Variants in TRANK1 observed in about 807,000 individuals in gnomAD.
TRANK1 encodes the protein tetratricopeptide repeat and ankyrin repeat containing 1, also known as TPR and ankyrin repeat-containing protein 1.
Under a neutral mutation model 266.0 loss-of-function variants are expected in TRANK1, and 198 were observed. The observed-to-expected ratio is 0.74, with a 90% confidence interval of 0.66 to 0.84. The LOEUF is 0.84. Among genes scored for constraint, TRANK1 ranks in the 40% least tolerant of loss-of-function variants. The pLI is 0.00. For missense variants in TRANK1, 3,326 were observed against 3,634.6 expected (o/e 0.92, Z 2.18); for synonymous variants, 1,396 against 1,384.1 (o/e 1.01, Z -0.19).
intron 9 of TRANK1, among the ~76,000 whole-genome samples, chr3:36,872,388 C>A (rs528820451): frequency 6.6e-6 from 1 of 151,746 alleles, no homozygotes; most frequent in African/African-American, 2.4e-5. Flanking sequence ...GGCAACAGAG[C>A]GAGACTTCGT....
rs192229093 is a variant in TRANK1 at position 36,866,882 on chromosome 3, C to T, written c.1079-2402G>A. 4.9e-4 allele frequency among the ~76,000 whole-genome samples: 74 copies of T among 152,250 alleles called. 1 individual carries two copies. The South Asian group carries it at 0.011, about 23-fold the overall frequency. Reference sequence around the variant, plus strand: ...CCCCTTCTGACACACATCTAAATCACACTTCAATAAATCAAGCCAGAACAC... The same window carrying T: ...CCCCTTCTGACACACATCTAAATCATACTTCAATAAATCAAGCCAGAACAC... On this transcript the variant is annotated intron_variant, in intron 9 of 23. Transcript: ENST00000645898.
chr3:36,873,696 T>C (rs1041506156), intron 9 of TRANK1, among the ~76,000 whole-genome samples: 4 of 152,170 alleles, frequency 2.6e-5, no homozygotes, highest in Admixed American at 2.6e-4. Context: ...ATCTTTTACG[T>C]GGTCTTGTCA....
intron 1 of TRANK1, among the ~76,000 whole-genome samples, chr3:36,937,176 C>T (rs578214215): frequency 2.6e-5 from 4 of 152,308 alleles, no homozygotes; most frequent in African/African-American, 9.6e-5. Context: ...AGTCATTCAA[C>T]CTCCAAAGAG....
chr3:36,861,189 C>T (rs560622899), intron 10 of TRANK1, 29 bp from the exon 11 acceptor site: 3 of 1,524,874 alleles, frequency 2.0e-6, no homozygotes, highest in South Asian at 2.4e-5. Flanking sequence ...AGACACATTC[C>T]AAAAATGTTC....
intron 10 of TRANK1, among the ~76,000 whole-genome samples, chr3:36,863,611 T>G (rs2079173876): frequency 6.6e-6 from 1 of 152,204 alleles, no homozygotes. Context: ...CTAATTGTTC[T>G]ATATTCATTA....
intron 1 of TRANK1, among the ~76,000 whole-genome samples, chr3:36,939,872 T>G (rs7619689): frequency 0.61 from 92,656 of 151,702 alleles, 28,739 homozygotes; most frequent in African/African-American, 0.67. Context: ...TGATGTTTAG[T>G]GTCCAAGCCC....
chr3:36,828,503 G>T, intron 23 of TRANK1, 128 bp from the exon 24 acceptor site: 1 of 679,600 alleles, frequency 1.5e-6, no homozygotes, highest in African/African-American at 1.8e-5. Context: ...GGGCAGAATG[G>T]TGATTTTTTT....
rs745527401 is a variant in TRANK1, at chr3:36,855,769, C to G, written c.3953G>C (p.Arg1318Pro). The change falls in exon 13 of 24, where the codon CGG (arginine) becomes CCG (proline). Residue 1318 changes from arginine (R) to proline (P), a missense_variant. Coordinates refer to ENST00000645898, the MANE Select transcript of TRANK1 (RefSeq NM_001329998.2). Reference protein sequence around the residue: ...VEMRTGDSDPRVYVTFEVFKN... With the variant: ...VEMRTGDSDPPVYVTFEVFKN... ...GAACACCTCAAACGTCACGTACACCCGGGGGTCACTGTCACCCGTACGCAT... is the reference window on the plus strand; with the variant it reads ...GAACACCTCAAACGTCACGTACACCGGGGGGTCACTGTCACCCGTACGCAT... 1 of 1,613,620 alleles carries G rather than the reference C, an allele frequency of 6.2e-7. No homozygotes were observed. The highest frequency in any genetic ancestry group is 1.3e-5 in the African/African-American group (1 of 74,914).
Position 36,908,397 on chromosome 3 carries a change from C to G in TRANK1, c.81G>C (p.Lys27Asn). 1 of 1,232,248 alleles carries G rather than the reference C, an allele frequency of 8.1e-7. No homozygotes were observed. The highest frequency in any genetic ancestry group is 1.0e-6 in the Non-Finnish European group (1 of 988,012). 76.3% of individuals were successfully genotyped at this position (1,232,248 alleles called of 1,614,324 possible). ...LLKESGNQVL[K>N]NGNFSLAIRK... ...TGATGGCCAAAGAGAAGTTCCCATT[C>G]TTAAGAACCTGGTTGCCGGATTCTT... is the stretch of plus-strand genomic sequence containing the variant. Residue 27 changes from lysine to asparagine, a missense_variant, in exon 2 of 24, where the codon AAG becomes AAC. Physicochemically the swap from Lys to Asn is moderately conservative, Grantham distance 94. Transcript: ENST00000645898.
intron 1 of TRANK1, among the ~76,000 whole-genome samples, chr3:36,915,021 C>T (rs2080105668): frequency 6.6e-6 from 1 of 151,972 alleles, no homozygotes; most frequent in Admixed American, 6.6e-5. Flanking sequence ...GCCCGATCTC[C>T]ACTCACTGCA....
chr3:36,829,693 A>C, intron 22 of TRANK1, 31 bp from the exon 23 acceptor site: 1 of 1,606,070 alleles, frequency 6.2e-7, no homozygotes, highest in Non-Finnish European at 8.5e-7. Flanking sequence ...GGCTCTGAGT[A>C]AAGATGCCAT....
chr3:36,943,045 G>A (rs1482492231), intron 1 of TRANK1, among the ~76,000 whole-genome samples: 1 of 152,090 alleles, frequency 6.6e-6, no homozygotes, highest in Non-Finnish European at 1.5e-5. Flanking sequence ...GTCAGGCTTG[G>A]TGGCGCCCCA....
chr3:36,897,665 T>C (rs1275724487), intron 4 of TRANK1, among the ~76,000 whole-genome samples: 1 of 152,246 alleles, frequency 6.6e-6, no homozygotes, highest in Non-Finnish European at 1.5e-5. Context: ...TTTTCAGAAA[T>C]TCTAACATGT....
At chr3:36,896,431 A>C (rs1399692161) in intron 4 of TRANK1, among the ~76,000 whole-genome samples, 1 of 152,232 alleles carries the variant, frequency 6.6e-6, no homozygotes, top group Non-Finnish European at 1.5e-5. Context: ...TATCAAAACA[A>C]ACGCATACTA....
At chr3:36,836,796 C>A (rs1163128459) in intron 20 of TRANK1, among the ~76,000 whole-genome samples, 2 of 152,236 alleles carry the variant, frequency 1.3e-5, no homozygotes, top group Non-Finnish European at 2.9e-5. Flanking sequence ...CTTCCACCAC[C>A]ACCATGGTAG....
intron 9 of TRANK1, among the ~76,000 whole-genome samples, chr3:36,865,488 A>G (rs1201117532): frequency 6.6e-6 from 1 of 152,218 alleles, no homozygotes; most frequent in Non-Finnish European, 1.5e-5. Context: ...TGCAAGTGGA[A>G]AAGGCCAAGT....
At chr3:36,921,127 G>A (rs2080207715) in intron 1 of TRANK1, among the ~76,000 whole-genome samples, 1 of 152,074 alleles carries the variant, frequency 6.6e-6, no homozygotes, top group South Asian at 2.1e-4. Context: ...GTCACCTTCG[G>A]TTACTTGTTC....
intron 4 of TRANK1, 146 bp downstream of exon 4, chr3:36,898,963 C>G (rs1420227186): frequency 3.6e-6 from 3 of 830,262 alleles, no homozygotes; most frequent in Non-Finnish European, 3.6e-6. Context: ...AAAATGCTTT[C>G]TAATGTGTGA....
chr3:36,890,248 A>G (rs1333743780), intron 7 of TRANK1, among the ~76,000 whole-genome samples: 1 of 152,158 alleles, frequency 6.6e-6, no homozygotes, highest in Non-Finnish European at 1.5e-5. Flanking sequence ...ATTCTTATAC[A>G]TGTGACTGAG....
Sources: allele counts gnomAD v4.1 joint callset (sites outside exome capture counted in the v4.1 genomes callset), GRCh38; gene constraint gnomAD v4.1.1; transcripts MANE v1.5; gene names NCBI Gene and HGNC (gene_info 2026-07-23, HGNC 2026-07-21).